Variants in CORO7 observed in about 807,000 individuals in gnomAD.
CORO7 encodes coronin 7, also known as coronin-7.
A neutral mutation model predicts 126.6 loss-of-function variants in CORO7; 107 were observed. The observed-to-expected ratio is 0.85, with a 90% CI of 0.72 to 0.99. The LOEUF (loss-of-function observed/expected upper bound fraction) is 0.99, where lower values mean the gene tolerates loss of function less well. Among genes scored for constraint, CORO7 ranks in the 50% least tolerant of loss-of-function variants. CORO7 has a pLI of 0.00. For missense variants in CORO7, 1,314 were observed against 1,255.8 expected (o/e 1.05, Z -0.70); for synonymous variants, 603 against 536.8 (o/e 1.12, Z -1.70).
intron 6 of CORO7, among the ~76,000 whole-genome samples, chr16:4,398,740 C>T (rs572952237): frequency 7.9e-5 from 12 of 151,678 alleles, no homozygotes; most frequent in African/African-American, 2.9e-4. Flanking sequence ...GAGGCCAAGG[C>T]GGGCGGATCA....
intron 1 of CORO7, among the ~76,000 whole-genome samples, chr16:4,413,999 C>T (rs528706675): frequency 2.6e-5 from 4 of 151,452 alleles, no homozygotes; most frequent in Admixed American, 2.0e-4. Context: ...CCAGCCTGGC[C>T]AACATGGTGA....
chr16:4,413,230 G>T, intron 2 of CORO7, 78 bp downstream of exon 2: 1 of 1,425,334 alleles, frequency 7.0e-7, no homozygotes, highest in Non-Finnish European at 9.5e-7. Context: ...CACCAAGCCT[G>T]CCCCTGCTCC....
chr16:4,401,288 T>C (rs2055796171), intron 6 of CORO7, among the ~76,000 whole-genome samples: 1 of 152,016 alleles, frequency 6.6e-6, no homozygotes, highest in African/African-American at 2.4e-5. Flanking sequence ...AGAGGCCACG[T>C]GAGGAGGCAG....
chr16:4,386,444 A>G (rs1298104), intron 9 of CORO7, among the ~76,000 whole-genome samples: 141,478 of 152,244 alleles, frequency 0.93, 65,890 homozygotes, highest in African/African-American at 0.98. Flanking sequence ...AAATGCCTCC[A>G]CTGGGGGCCC....
At chr16:4,386,067 G>A (rs2055183494) in intron 9 of CORO7, among the ~76,000 whole-genome samples, 1 of 152,168 alleles carries the variant, frequency 6.6e-6, no homozygotes, top group African/African-American at 2.4e-5. Flanking sequence ...CAGGGGACCT[G>A]CCACCTCTCA....
At chr16:4,379,650 C>T (rs1194343267) in intron 9 of CORO7, among the ~76,000 whole-genome samples, 1 of 152,052 alleles carries the variant, frequency 6.6e-6, no homozygotes, top group Non-Finnish European at 1.5e-5. Context: ...CTTCGTCCTT[C>T]CCACTTCGCT....
chr16:4,364,419 T>C lies in CORO7; in HGVS notation c.1138-6A>G, dbSNP rs768414183. The C allele has an allele frequency of 1.3e-6, 2 of 1,498,716 alleles. No homozygotes were observed. The highest frequency in any genetic ancestry group is 2.3e-5 in the East Asian group (1 of 43,066). The allele number at this position is 1,498,716 out of a possible 1,614,324, so 92.8% of individuals were successfully genotyped here. On this transcript the variant is annotated splice_polypyrimidine_tract_variant and splice_region_variant and intron_variant, in intron 13 of 27. Coordinates refer to ENST00000251166, the MANE Select transcript of CORO7 (RefSeq NM_024535.5). ...TTGAGGCTGACCTTCTGCACCTGCA[T>C]GGAGGCCGGCAGTGGGGAGATGGGG...
At chr16:4,389,949 C>T (rs2055329370) in intron 7 of CORO7, among the ~76,000 whole-genome samples, 1 of 152,244 alleles carries the variant, frequency 6.6e-6, no homozygotes, top group Non-Finnish European at 1.5e-5. Flanking sequence ...GGATGGTTCT[C>T]AGATAGAGGG....
At chr16:4,368,609 ATGGTGGCG>A (rs2054420796) in intron 9 of CORO7, among the ~76,000 whole-genome samples, 1 of 149,874 alleles carries the variant, frequency 6.7e-6, no homozygotes, top group Admixed American at 6.6e-5. Flanking sequence ...TGAGCTGAGC[ATGGTGGCG>A]TGCACCTGGA....
chr16:4,395,135 C>T (rs2055536126), intron 7 of CORO7, among the ~76,000 whole-genome samples, 154 bp downstream of exon 7: 1 of 152,182 alleles, frequency 6.6e-6, no homozygotes, highest in South Asian at 2.1e-4. Flanking sequence ...AGGAAGAGCT[C>T]CCAGCAGTGG....
intron 6 of CORO7, among the ~76,000 whole-genome samples, chr16:4,404,564 G>A (rs1049335297): frequency 3.3e-5 from 5 of 152,232 alleles, no homozygotes; most frequent in South Asian, 2.1e-4. Context: ...AGGTACCGCC[G>A]GCAGCTCAGC....
intron 9 of CORO7, among the ~76,000 whole-genome samples, chr16:4,366,535 CTTTTTTT>C (rs544549233): frequency 7.9e-5 from 9 of 114,364 alleles, no homozygotes; most frequent in African/African-American, 2.9e-4. Flanking sequence ...CTGATCTTTG[CTTTTTTT>C]TTTTTTTTTT....
intron 3 of CORO7, among the ~76,000 whole-genome samples, chr16:4,410,227 C>A (rs945742759): frequency 6.6e-6 from 1 of 152,098 alleles, no homozygotes; most frequent in Non-Finnish European, 1.5e-5. Flanking sequence ...GAGTTCAGGA[C>A]CAGCCTGGGC....
At position 4,364,887 on chromosome 16, in the gene CORO7, C is replaced by T. The variant is rs147812375; in HGVS notation, c.932G>A (p.Gly311Glu). The change falls in exon 12 of 28, where the codon GGG (glycine) becomes GAG (glutamate). Residue 311 changes from glycine to glutamate, a missense_variant. By Grantham distance (98) the Gly-to-Glu change is moderately conservative. Transcript: ENST00000251166. ...CGCCTGCCGGGGCACAAGGGCAGCC[C>T]CACGCAGCACGCTCTCCAGGACACA... ...TQCVLESVLR[G>E]AALVPRQALA... The T allele has an allele frequency of 8.4e-3, 13,477 of 1,611,452 alleles. 75 individuals are homozygous for T. Among genetic ancestry groups the T allele is most frequent in the Non-Finnish European group, 0.01 (12,242 of 1,179,418 alleles).
chr16:4,412,430 C>A lies in CORO7; in HGVS notation c.158G>T (p.Gly53Val), dbSNP rs757689189. ...TTGCAGAGGCACAATGCCCAGTACACCTGTTAAACAAACACGGGGACTCTG... is the reference window on the plus strand; with the variant it reads ...TTGCAGAGGCACAATGCCCAGTACAACTGTTAAACAAACACGGGGACTCTG... ...SLIAFNSDRP[G>V]VLGIVPLQGQ... The change falls in exon 3 of 28, where the codon GGT (glycine) becomes GTT (valine). Residue 53 changes from glycine to valine, a missense_variant and splice_region_variant. Coordinates refer to ENST00000251166, the MANE Select transcript of CORO7 (RefSeq NM_024535.5). The A allele has an allele frequency of 1.2e-6, 2 of 1,614,182 alleles. No homozygotes were observed. The highest frequency in any genetic ancestry group is 1.7e-6 in the Non-Finnish European group (2 of 1,180,014).
In CORO7 at chr16:4,367,913, G is replaced by C. The variant is rs182539625; in HGVS notation, c.786-2368C>G. Among the ~76,000 whole-genome samples the C allele has an allele frequency of 1.4e-3, 218 of 152,288 alleles. 2 individuals carry two copies. In the Middle Eastern group the frequency reaches 0.048, roughly 33 times the overall value. ...GGTGCGTTTCAAGCAAAAGAGGCTA[G>C]GCCAGGCCTAGTGACTCATGTCTGT... is the stretch of plus-strand genomic sequence containing the variant. On this transcript the variant is annotated intron_variant, in intron 9 of 27. Transcript: ENST00000251166.
At chr16:4,409,596 G>A (rs2056128296) in intron 3 of CORO7, among the ~76,000 whole-genome samples, 2 of 152,230 alleles carry the variant, frequency 1.3e-5, no homozygotes, top group Admixed American at 1.3e-4. Flanking sequence ...ACCCAGAGAG[G>A]GTGAGTAACT....
chr16:4,380,767 T>G, intron 9 of CORO7: 2 of 1,282,076 alleles, frequency 1.6e-6, no homozygotes, highest in Non-Finnish European at 2.1e-6. Context: ...TCTCTTGCAT[T>G]TGGGGGCAGA....
intron 3 of CORO7, 92 bp downstream of exon 3, chr16:4,412,264 T>C: frequency 2.1e-6 from 3 of 1,411,394 alleles, no homozygotes; most frequent in Non-Finnish European, 3.0e-6. Flanking sequence ...TGGCAAGCCA[T>C]GCGGCAGTGG....
Sources: gnomAD v4.1 joint callset for allele counts (sites outside exome capture counted in the v4.1 genomes callset) on GRCh38, gnomAD v4.1.1 for gene constraint, MANE v1.5 for transcripts, NCBI Gene and HGNC (gene_info 2026-07-23, HGNC 2026-07-21) for gene names.